ATP13A3: variants seen among roughly 807,000 people sequenced by gnomAD.
The protein encoded by ATP13A3 is ATPase 13A3.
Under a neutral mutation model 158.1 loss-of-function variants are expected in ATP13A3, and 59 were observed. The ratio of observed to expected loss-of-function variants is 0.37; its 90% CI spans 0.30 to 0.46. The LOEUF (loss-of-function observed/expected upper bound fraction) is 0.46, where lower values mean the gene tolerates loss of function less well. Ranked by LOEUF, ATP13A3 falls within the 20% of genes least tolerant of loss-of-function variation. ATP13A3 has a pLI of 1.00. For missense variants in ATP13A3, 1,166 were observed against 1,525.2 expected (o/e 0.76, Z 3.92); for synonymous variants, 491 against 504.3 (o/e 0.97, Z 0.35).
intron 32 of ATP13A3, chr3:194,413,045 T>G (rs1486015485): frequency 2.0e-5 from 3 of 152,242 alleles, no homozygotes; most frequent in East Asian, 1.9e-4. Flanking sequence ...ATCTCTCTCT[T>G]CCATTTTTAT....
At chr3:194,420,518 T>C (rs1716215857) in intron 30 of ATP13A3, 1 of 152,290 alleles carries the variant, frequency 6.6e-6, no homozygotes, top group African/African-American at 2.4e-5. Flanking sequence ...TTTTCACTGA[T>C]TTACACTGTG....
intron 14 of ATP13A3, 25 bp downstream of exon 14, chr3:194,446,902 A>G: frequency 6.4e-7 from 1 of 1,554,354 alleles, no homozygotes; most frequent in Non-Finnish European, 8.7e-7. Context: ...GTAACCTTTG[A>G]AAGTAACTAT....
chr3:194,424,718 C>CT (rs367928441), intron 30 of ATP13A3, among the ~76,000 whole-genome samples: 24 of 152,258 alleles, frequency 1.6e-4, no homozygotes, highest in African/African-American at 5.5e-4. Context: ...TCCATAAACT[C>CT]TAATTTTGAT....
chr3:194,431,120 T>G lies in ATP13A3; in HGVS notation c.2528A>C (p.Gln843Pro). ...KSFSVILEHF[Q>P]DLVPKLMLHG... ...ATTACTTACCTTAGGAACAAGGTCT[T>G]GAAAATGCTCCAGTATCACTGAGAA... Residue 843 changes from glutamine (Q) to proline (P), a missense_variant, in exon 23 of 34, where the codon CAA becomes CCA. Coordinates refer to ENST00000645319, the MANE Select transcript of ATP13A3 (RefSeq NM_001367549.1). 1 of 1,613,940 alleles carries G rather than the reference T, an allele frequency of 6.2e-7. No individual in the cohort carries two copies.
At chr3:194,484,800 A>G (rs947957762) in intron 2 of ATP13A3, among the ~76,000 whole-genome samples, 8 of 152,218 alleles carry the variant, frequency 5.3e-5, no homozygotes, top group Non-Finnish European at 4.4e-5. Context: ...TAGCGCCTGT[A>G]ATACCAGCAC....
At chr3:194,490,424 C>T (rs1721133982), upstream of ATP13A3, among the ~76,000 whole-genome samples, 1 of 152,186 alleles carries the variant, frequency 6.6e-6, no homozygotes, top group Non-Finnish European at 1.5e-5. The surrounding 1 kb of genome is among the most constrained non-coding windows in gnomAD (Gnocchi z 4.4). Flanking sequence ...CATCTCCTAT[C>T]CTTGAGACAC....
At chr3:194,454,609 A>T (rs1402540696) in intron 8 of ATP13A3, among the ~76,000 whole-genome samples, 2 of 140,520 alleles carry the variant, frequency 1.4e-5, no homozygotes, top group Non-Finnish European at 3.1e-5. Flanking sequence ...CGGGCGGATC[A>T]TGAGGTCAGG....
chr3:194,463,533 CAAG>C lies in ATP13A3; in HGVS notation c.-46-1300_-46-1298del, dbSNP rs1719801805. 2.0e-5 allele frequency among the ~76,000 whole-genome samples: 3 copies of C among 151,984 alleles called. No homozygotes were observed. In the South Asian group the frequency reaches 6.2e-4, roughly 32 times the overall value. ...GCTCTTTAGCATCCACAAAAATTTT[CAAG>C]AAGGTAAATGGGTTTCAGCCCCCCG... is the stretch of plus-strand genomic sequence containing the variant. On this transcript the variant is annotated intron_variant, in intron 2 of 33. Coordinates refer to ENST00000645319, the MANE Select transcript of ATP13A3 (RefSeq NM_001367549.1).
chr3:194,417,958 C>CGAA (rs1715993290), intron 31 of ATP13A3, among the ~76,000 whole-genome samples: 4 of 76,786 alleles, frequency 5.2e-5, no homozygotes, highest in African/African-American at 2.9e-4. Context: ...GACGGACGGA[C>CGAA]GGAAGGAAGG....
intron 2 of ATP13A3, among the ~76,000 whole-genome samples, chr3:194,466,200 A>G (rs1367618899): frequency 6.6e-6 from 1 of 152,200 alleles, no homozygotes; most frequent in East Asian, 1.9e-4. Context: ...GAGAAAGAAT[A>G]GCAAATTACT....
At position 194,462,217 on chromosome 3, in the gene ATP13A3, C is replaced by A; in HGVS notation, c.-27G>T. 1 of 1,602,246 alleles carries A rather than the reference C, an allele frequency of 6.2e-7. No individual in the cohort carries two copies. The highest frequency in any genetic ancestry group is 8.6e-7 in the Non-Finnish European group (1 of 1,169,306). ...CCTACAGTGGATTAAAGGTCCAGTG[C>A]TTCAAACAATGGAAGATCACTGAGG... On this transcript the variant is annotated 5_prime_UTR_variant, in exon 3 of 34. Transcript: ENST00000645319.
At chr3:194,450,315 T>G in intron 10 of ATP13A3, 39 bp from the exon 11 acceptor site, 1 of 1,572,024 alleles carries the variant, frequency 6.4e-7, no homozygotes, top group Non-Finnish European at 8.7e-7. Flanking sequence ...GAAAAAGATA[T>G]TCTTTACCTT....
chr3:194,437,673 A>G, intron 17 of ATP13A3, 100 bp from the exon 18 acceptor site: 1 of 1,225,376 alleles, frequency 8.2e-7, no homozygotes, highest in Non-Finnish European at 1.1e-6. Context: ...CATTATTTGG[A>G]AAAGAAACAA....
chr3:194,475,165 T>A (rs567127646), intron 2 of ATP13A3, among the ~76,000 whole-genome samples: 1 of 152,334 alleles, frequency 6.6e-6, no homozygotes, highest in African/African-American at 2.4e-5. Flanking sequence ...AAGTCTTCAG[T>A]GTGTTAAAAA....
At chr3:194,462,382 G>A (rs1577081700) in intron 2 of ATP13A3, 146 bp from the exon 3 acceptor site, 2 of 581,244 alleles carry the variant, frequency 3.4e-6, no homozygotes, top group East Asian at 5.5e-5. Context: ...ACAGTAGGAG[G>A]TGAGTGACAG....
intron 9 of ATP13A3, 77 bp downstream of exon 9, chr3:194,454,174 TGTGCTGA>T: frequency 7.8e-7 from 1 of 1,282,388 alleles, no homozygotes; most frequent in Non-Finnish European, 1.1e-6. Context: ...GAATTTACTT[TGTGCTGA>T]GTACTATTCT....
Position 194,431,737 on chromosome 3 carries a change from G to T in ATP13A3, c.2401C>A (p.Pro801Thr), listed in dbSNP as rs1717238139. Residue 801 changes from proline (P) to threonine (T), a missense_variant, in exon 22 of 34, where the codon CCA becomes ACA. By Grantham distance (38) the Pro-to-Thr change is conservative. Coordinates refer to ENST00000645319, the MANE Select transcript of ATP13A3 (RefSeq NM_001367549.1). ...CTTACCTCTGGGTCAATTGCTGATGGATGACTGCACTGCGTGAGGGAGTCT... is the reference window on the plus strand; with the variant it reads ...CTTACCTCTGGGTCAATTGCTGATGTATGACTGCACTGCGTGAGGGAGTCT... ...YADSLTQCSH[P>T]SAIDPEAIPV... 7.5e-6 allele frequency: 12 copies of T among 1,589,942 alleles called. No individual in the cohort carries two copies. The highest frequency in any genetic ancestry group is 1.0e-5 in the Non-Finnish European group (12 of 1,169,808).
In ATP13A3 at chr3:194,457,642, A is replaced by ATGTTTTG. The variant is rs1719323826; in HGVS notation, c.480-469_480-468insCAAAACA. 2.0e-5 allele frequency among the ~76,000 whole-genome samples: 3 copies of ATGTTTTG among 152,206 alleles called. No homozygotes were observed. In the South Asian group the frequency reaches 6.2e-4, roughly 32 times the overall value. ...ATTCATTTTCTTCCATCTCCATAAA[A>ATGTTTTG]GCATCAAGCCAAACCCTTCCCTAAA... On this transcript the variant is annotated intron_variant, in intron 6 of 33. Coordinates refer to ENST00000645319, the MANE Select transcript of ATP13A3 (RefSeq NM_001367549.1).
At chr3:194,418,095 G>C (rs1426615152) in intron 31 of ATP13A3, among the ~76,000 whole-genome samples, 1 of 152,114 alleles carries the variant, frequency 6.6e-6, no homozygotes, top group African/African-American at 2.4e-5. Context: ...CTGAATATCA[G>C]TGGCAAAGAC....
Sources: gnomAD v4.1 joint callset for allele counts (sites outside exome capture counted in the v4.1 genomes callset) on GRCh38, gnomAD v4.1.1 for gene constraint, Gnocchi (gnomAD v3.1) non-coding constraint, MANE v1.5 for transcripts, NCBI Gene and HGNC (gene_info 2026-07-23, HGNC 2026-07-21) for gene names.